PTPRK: variants seen among roughly 807,000 people sequenced by gnomAD.
The protein encoded by PTPRK is receptor-type tyrosine-protein phosphatase kappa.
In PTPRK, 75 loss-of-function variants were observed where a neutral mutation model predicts 178.0. That is an observed-to-expected ratio of 0.42 (90% CI 0.35 to 0.51). The LOEUF is 0.51. Among genes scored for constraint, PTPRK ranks in the 20% least tolerant of loss-of-function variants. PTPRK has a pLI of 0.02. For synonymous variants in PTPRK, 637 were observed against 620.6 expected (o/e 1.03, Z -0.39); for missense variants, 1,441 against 1,797.8 (o/e 0.80, Z 3.59).
At chr6:128,421,136 T>G (rs2128386733) in intron 1 of PTPRK, among the ~76,000 whole-genome samples, 1 of 152,354 alleles carries the variant, frequency 6.6e-6, no homozygotes, top group Admixed American at 6.5e-5. Flanking sequence ...TAATGTCATT[T>G]ATAAACAAGT....
chr6:128,023,836 T>C (rs1773888321), intron 13 of PTPRK, among the ~76,000 whole-genome samples: 1 of 118,630 alleles, frequency 8.4e-6, no homozygotes, highest in Admixed American at 7.5e-5. Flanking sequence ...TCTTTCTTTC[T>C]TTTTTTTTTT....
At chr6:128,035,935 G>T (rs549131552) in intron 13 of PTPRK, among the ~76,000 whole-genome samples, 1 of 152,304 alleles carries the variant, frequency 6.6e-6, no homozygotes, top group East Asian at 1.9e-4. Flanking sequence ...GTCTTCTAAT[G>T]TGGTTGTGTT....
chr6:128,464,774 G>A (rs960808968), intron 1 of PTPRK, among the ~76,000 whole-genome samples: 1 of 144,674 alleles, frequency 6.9e-6, no homozygotes, highest in African/African-American at 2.6e-5. Flanking sequence ...GACAAAATTC[G>A]AGCCATAACA....
intron 1 of PTPRK, among the ~76,000 whole-genome samples, chr6:128,486,656 A>C (rs1852938771): frequency 6.6e-6 from 1 of 152,086 alleles, no homozygotes; most frequent in Non-Finnish European, 1.5e-5. Context: ...TACAAAAATT[A>C]GCCAGGCATG....
chr6:128,384,132 C>A (rs887599131), intron 2 of PTPRK, among the ~76,000 whole-genome samples: 1 of 152,144 alleles, frequency 6.6e-6, no homozygotes, highest in African/African-American at 2.4e-5. Flanking sequence ...ATCAAAAATA[C>A]AATTTCAAAT....
intron 15 of PTPRK, 168 bp downstream of exon 15, chr6:128,004,916 T>C (rs1239976698): frequency 3.3e-6 from 2 of 608,826 alleles, no homozygotes; most frequent in Admixed American, 6.1e-5. Context: ...TCAATCTTGA[T>C]GAGAATCCTT....
In PTPRK at chr6:127,996,985, A is replaced by G. The variant is rs757847010; in HGVS notation, c.2683T>C (p.Phe895Leu). 4 of 1,611,214 alleles carry G rather than the reference A, an allele frequency of 2.5e-6. No individual in the cohort carries two copies. In the South Asian group the frequency reaches 3.3e-5, roughly 13 times the overall value. The change falls in exon 17 of 30, where the codon TTT becomes CTT. Residue 895 changes from phenylalanine (F) to leucine (L), a missense_variant. Coordinates refer to ENST00000368226, the MANE Select transcript of PTPRK (RefSeq NM_002844.4). ...SYGFKEEYES[F>L]FEGQSASWDV... is the part of the protein sequence containing the mutation. ...CAAGATGCTGACTGTCCTTCAAAAAAGCTCTGGGAAAACAAAACGAATAAG... is the reference window on the plus strand; with the variant it reads ...CAAGATGCTGACTGTCCTTCAAAAAGGCTCTGGGAAAACAAAACGAATAAG...
intron 7 of PTPRK, among the ~76,000 whole-genome samples, chr6:128,160,981 C>G (rs563765385): frequency 4.6e-4 from 70 of 151,600 alleles, no homozygotes; most frequent in African/African-American, 1.7e-3. Context: ...TCCATCTGCT[C>G]AAGATGATGT....
At chr6:128,206,473 TAAC>T (rs1165511629) in intron 6 of PTPRK, among the ~76,000 whole-genome samples, 1 of 149,736 alleles carries the variant, frequency 6.7e-6, no homozygotes, top group Non-Finnish European at 1.5e-5. Context: ...AAGGCACTGG[TAAC>T]AACAAAACAC....
At chr6:128,257,867 C>T (rs918480796) in intron 3 of PTPRK, among the ~76,000 whole-genome samples, 27 of 152,144 alleles carry the variant, frequency 1.8e-4, no homozygotes, top group African/African-American at 6.3e-4. Context: ...TTAATTTTCT[C>T]TATACTGCGT....
chr6:128,416,254 C>A (rs1356222478), intron 1 of PTPRK, among the ~76,000 whole-genome samples: 4 of 151,726 alleles, frequency 2.6e-5, no homozygotes, highest in African/African-American at 7.3e-5. Flanking sequence ...ACCACACACA[C>A]AAAAAAAGTA....
At chr6:128,015,653 C>T (rs1779516508) in intron 13 of PTPRK, among the ~76,000 whole-genome samples, 1 of 151,840 alleles carries the variant, frequency 6.6e-6, no homozygotes, top group Non-Finnish European at 1.5e-5. Context: ...CAAGCAGGTG[C>T]CAATCAACAT....
At chr6:128,001,241 CA>C in intron 15 of PTPRK, 2 of 1,510,166 alleles carry the variant, frequency 1.3e-6, no homozygotes, top group South Asian at 1.2e-5. Flanking sequence ...ACACAAAAAC[CA>C]AAAATACGAA....
At chr6:128,306,147 G>A (rs768712540) in intron 3 of PTPRK, among the ~76,000 whole-genome samples, 4 of 152,140 alleles carry the variant, frequency 2.6e-5, no homozygotes, top group Non-Finnish European at 4.4e-5. Flanking sequence ...TGGGGATTAC[G>A]ATTCAAGATG....
intron 1 of PTPRK, among the ~76,000 whole-genome samples, chr6:128,404,656 A>G (rs1431540260): frequency 3.3e-5 from 5 of 152,240 alleles, no homozygotes; most frequent in South Asian, 2.1e-4. Flanking sequence ...AGCTCTGCCA[A>G]TAAGTATGTG....
intron 1 of PTPRK, among the ~76,000 whole-genome samples, chr6:128,440,887 G>T (rs568716597): frequency 1.3e-5 from 2 of 151,902 alleles, no homozygotes; most frequent in South Asian, 4.2e-4. Flanking sequence ...AAAATACCAC[G>T]GTGAATATCT....
At chr6:128,090,989 C>T (rs1450589743) in intron 7 of PTPRK, among the ~76,000 whole-genome samples, 1 of 152,072 alleles carries the variant, frequency 6.6e-6, no homozygotes, top group Non-Finnish European at 1.5e-5. Flanking sequence ...GACTTGGGGG[C>T]TTTCATAAAT....
At position 128,329,825 on chromosome 6, in the gene PTPRK, C is replaced by T. The variant is rs1435313707; in HGVS notation, c.224-7515G>A. ...TAGAAATAATGTTTAACCTAATATT[C>T]GGGCACCCTATCGCTGAGTCTAATT... On this transcript the variant is annotated intron_variant, in intron 2 of 29. Coordinates refer to ENST00000368226, the MANE Select transcript of PTPRK (RefSeq NM_002844.4). 2.0e-5 allele frequency among the ~76,000 whole-genome samples: 3 copies of T among 152,164 alleles called. No individual in the cohort carries two copies. In the East Asian group the frequency reaches 5.8e-4, roughly 29 times the overall value.
At chr6:128,464,638 CATATATATATATATATATATATATATAT>C (rs10665667) in intron 1 of PTPRK, among the ~76,000 whole-genome samples, 1 of 48,602 alleles carries the variant, frequency 2.1e-5, no homozygotes. Flanking sequence ...TATATATACA[CATATATATATATATATATATATATATAT>C]ATATATATAC....
Sources: allele counts gnomAD v4.1 joint callset (sites outside exome capture counted in the v4.1 genomes callset), GRCh38; gene constraint gnomAD v4.1.1; transcripts MANE v1.5; gene names NCBI Gene and HGNC (gene_info 2026-07-23, HGNC 2026-07-21).